The following RYR2 variants were observed in gnomAD, a reference collection of about 807,000 sequenced individuals.
RYR2 encodes the protein cardiac muscle ryanodine receptor-calcium release channel.
In RYR2, 227 loss-of-function variants were observed where a neutral mutation model predicts 601.1. The ratio of observed to expected loss-of-function variants is 0.38; its 90% CI spans 0.34 to 0.42. The LOEUF (loss-of-function observed/expected upper bound fraction) is 0.42. Among genes scored for constraint, RYR2 ranks in the 10% least tolerant of loss-of-function variants. The probability of loss-of-function intolerance (pLI) is 1.00; values close to 1 mark genes in which losing one functional copy is unlikely to be tolerated. For synonymous variants in RYR2, 2,223 were observed against 2,175.1 expected (o/e 1.02, Z -0.61); for missense variants, 4,646 against 6,156.5 (o/e 0.75, Z 8.21).
intron 75 of RYR2, 49 bp from the exon 76 acceptor site, chr1:237,727,038 T>A (rs775783317): frequency 1.1e-6 from 1 of 930,052 alleles, no homozygotes; most frequent in Non-Finnish European, 1.8e-6. Flanking sequence ...TTATTTGTTT[T>A]TGAAGGTAGT....
chr1:237,591,239 C>T (rs1274979920), intron 31 of RYR2, among the ~76,000 whole-genome samples: 1 of 140,010 alleles, frequency 7.1e-6, no homozygotes, highest in Non-Finnish European at 1.5e-5. Context: ...TCCTCCTCCT[C>T]TTTGTGCAAA....
chr1:237,756,470 C>A (rs2149262494), intron 81 of RYR2, 83 bp downstream of exon 81: 2 of 849,120 alleles, frequency 2.4e-6, no homozygotes, highest in Non-Finnish European at 3.8e-6. Context: ...ATTTCAATTC[C>A]ACTGACTCAT....
At chr1:237,334,528 T>A (rs1006800491) in intron 3 of RYR2, among the ~76,000 whole-genome samples, 3 of 151,980 alleles carry the variant, frequency 2.0e-5, no homozygotes, top group Non-Finnish European at 4.4e-5. Context: ...TTTATTCTTA[T>A]TAAAATCATG....
intron 1 of RYR2, among the ~76,000 whole-genome samples, chr1:237,141,564 G>C (rs1263059328): frequency 6.6e-6 from 1 of 152,114 alleles, no homozygotes; most frequent in Non-Finnish European, 1.5e-5. Context: ...GCCTCCCCTG[G>C]TTCCCCAACT....
chr1:237,506,693 CT>C lies in RYR2; in HGVS notation c.2614-12del. On this transcript the variant is annotated splice_polypyrimidine_tract_variant and intron_variant, in intron 22 of 104. Transcript: ENST00000366574. ...CATTTGTTTCTGATGTGTCTTTTTT[CT>C]TTTTGTAAATTTTAGATCGTGTTGC... is the stretch of plus-strand genomic sequence containing the variant. The C allele has an allele frequency of 6.3e-7, 1 of 1,587,274 alleles. No homozygotes were observed. The highest frequency in any genetic ancestry group is 2.2e-5 in the East Asian group (1 of 44,666).
At chr1:237,063,052 G>A (rs1663082910) in intron 1 of RYR2, among the ~76,000 whole-genome samples, 1 of 152,078 alleles carries the variant, frequency 6.6e-6, no homozygotes, top group Non-Finnish European at 1.5e-5. Context: ...AGTAGTGGGA[G>A]ATGGTAGATG....
chr1:237,092,991 G>C (rs1667132965), intron 1 of RYR2, among the ~76,000 whole-genome samples: 2 of 152,184 alleles, frequency 1.3e-5, no homozygotes, highest in Non-Finnish European at 2.9e-5. Flanking sequence ...TGGGTGCTCT[G>C]TGACAGTGCT....
chr1:237,319,531 G>A (rs1695422759), intron 2 of RYR2, among the ~76,000 whole-genome samples: 1 of 151,888 alleles, frequency 6.6e-6, no homozygotes, highest in South Asian at 2.1e-4. Context: ...CTTGATGGGT[G>A]GCCAATAACG....
chr1:237,297,926 A>ATTTGTT (rs1692957420), intron 2 of RYR2, among the ~76,000 whole-genome samples: 1 of 133,372 alleles, frequency 7.5e-6, no homozygotes, highest in Admixed American at 7.8e-5. Flanking sequence ...AATTTTTTGT[A>ATTTGTT]TTTTTTTTTT....
chr1:237,234,223 C>T (rs917122650), intron 1 of RYR2, among the ~76,000 whole-genome samples: 1 of 152,154 alleles, frequency 6.6e-6, no homozygotes, highest in Admixed American at 6.5e-5. Flanking sequence ...TGCCATTGCA[C>T]CTTTTCTCCT....
intron 1 of RYR2, among the ~76,000 whole-genome samples, chr1:237,261,812 T>G (rs1172980966): frequency 6.6e-6 from 1 of 152,190 alleles, no homozygotes; most frequent in African/African-American, 2.4e-5. Flanking sequence ...CTGGCAATTC[T>G]GTTCAAAACC....
At chr1:237,417,679 G>A (rs1281637241) in intron 11 of RYR2, among the ~76,000 whole-genome samples, 1 of 152,030 alleles carries the variant, frequency 6.6e-6, no homozygotes, top group Non-Finnish European at 1.5e-5. Context: ...AGTAATGAGA[G>A]TTTTTATATA....
intron 10 of RYR2, among the ~76,000 whole-genome samples, chr1:237,390,535 T>C (rs145340659): frequency 6.8e-6 from 1 of 146,062 alleles, no homozygotes; most frequent in African/African-American, 2.8e-5. Context: ...TCTGTTGCTA[T>C]TATTTAGTCT....
chr1:237,639,162 G>A lies in RYR2; in HGVS notation c.7076G>A (p.Arg2359Gln), dbSNP rs727504976. ...EAIKIAEDPS[R>Q]DGPSPNSGSS... ...ATCAAAATCGCCGAGGATCCTTCCC[G>A]AGATGGTCCCTCACCAAATAGCGGA... The change falls in exon 46 of 105, where the codon CGA (arginine) becomes CAA (glutamine). Residue 2359 changes from arginine to glutamine, a missense_variant. Coordinates refer to ENST00000366574, the MANE Select transcript of RYR2 (RefSeq NM_001035.3). 36 of 1,613,740 alleles carry A rather than the reference G, an allele frequency of 2.2e-5. No individual in the cohort carries two copies. The East Asian group carries it at 5.6e-4, about 25-fold the overall frequency.
intron 1 of RYR2, among the ~76,000 whole-genome samples, chr1:237,197,446 A>G (rs78599300): frequency 0.026 from 3,961 of 152,304 alleles, 89 homozygotes; most frequent in Non-Finnish European, 0.04. Context: ...TCTTAATTGT[A>G]TATTTCTTAA....
At chr1:237,728,786 G>T (rs1197002714) in intron 76 of RYR2, among the ~76,000 whole-genome samples, 1 of 151,780 alleles carries the variant, frequency 6.6e-6, no homozygotes, top group Non-Finnish European at 1.5e-5. Context: ...GCCTGTCGGG[G>T]GGTGGGGGCA....
rs577449996 is a variant in RYR2 at position 237,713,521 on chromosome 1, C to T, written c.10323+1684C>T. 1.2e-3 allele frequency among the ~76,000 whole-genome samples: 181 copies of T among 152,242 alleles called. 2 individuals carry two copies. The highest frequency in any genetic ancestry group is 4.8e-3 in the Admixed American group (74 of 15,290). ...AAGCGATTCTCCTGCCTCAGCCTCC[C>T]AAGTAGCTGGGACTATACAGGCGCA... On this transcript the variant is annotated intron_variant, in intron 71 of 104. Coordinates refer to ENST00000366574, the MANE Select transcript of RYR2 (RefSeq NM_001035.3).
rs182614256 is a variant in RYR2, at chr1:237,400,466, T to G, written c.773+12283T>G. On this transcript the variant is annotated intron_variant, in intron 10 of 104. Coordinates refer to ENST00000366574, the MANE Select transcript of RYR2 (RefSeq NM_001035.3). ...GGCCCTCAGACTGGAAGGGGGCATG[T>G]AAAGAGAGACCCTGAATATAGGAGA... 1.8e-3 allele frequency among the ~76,000 whole-genome samples: 279 copies of G among 152,210 alleles called. 1 individual carries two copies. Among genetic ancestry groups the G allele is most frequent in the African/African-American group, 6.4e-3 (265 of 41,516 alleles).
chr1:237,389,938 G>T (rs1329858844), intron 10 of RYR2, among the ~76,000 whole-genome samples: 2 of 152,130 alleles, frequency 1.3e-5, no homozygotes, highest in African/African-American at 2.4e-5. Flanking sequence ...TGTCGATTGG[G>T]CATGGCCTTA....
Sources: allele counts gnomAD v4.1 joint callset (sites outside exome capture counted in the v4.1 genomes callset), GRCh38; gene constraint gnomAD v4.1.1; transcripts MANE v1.5; gene names NCBI Gene and HGNC (gene_info 2026-07-23, HGNC 2026-07-21).